The following ZBTB45 variants were observed in gnomAD, a reference collection of about 807,000 sequenced individuals.
The protein encoded by ZBTB45 is zinc finger and BTB domain containing 45, also known as zinc finger and BTB domain-containing protein 45.
In ZBTB45, 22 loss-of-function variants were observed where a neutral mutation model predicts 28.4. That is an observed-to-expected ratio of 0.77 (90% CI 0.55 to 1.10). The LOEUF (loss-of-function observed/expected upper bound fraction) is 1.10, where lower values mean the gene tolerates loss of function less well. Ranked by LOEUF, ZBTB45 falls within the 50% of genes least tolerant of loss-of-function variation. ZBTB45 has a pLI of 0.00. For missense variants in ZBTB45, 656 were observed against 750.2 expected (o/e 0.87, Z 1.47); for synonymous variants, 361 against 332.3 (o/e 1.09, Z -0.94).
chr19:58,527,619 A>C (rs569618022), intron 1 of ZBTB45, among the ~76,000 whole-genome samples: 1 of 152,266 alleles, frequency 6.6e-6, no homozygotes, highest in Admixed American at 6.5e-5. Context: ...AGGAGTGGCT[A>C]GTCTGAGAAG....
At chr19:58,520,477 T>C (rs77214166), upstream of ZBTB45, among the ~76,000 whole-genome samples, 3,612 of 151,932 alleles carry the variant, frequency 0.024, 161 homozygotes, top group African/African-American at 0.081. Context: ...CCTGTAAATA[T>C]GATTATCTCA....
At position 58,516,610 on chromosome 19, in the gene ZBTB45, G is replaced by C; in HGVS notation, c.1064C>G (p.Ala355Gly). Residue 355 changes from alanine (A) to glycine (G), a missense_variant, in exon 2 of 3, where the codon GCG (alanine) becomes GGG (glycine). This residue lies in a region of ZBTB45 where 448 missense variants were observed against 444.3 expected (regional missense o/e 1.01). Transcript: ENST00000594051. The surrounding 1 kb of genome is among the most constrained non-coding windows in gnomAD (Gnocchi z 6.2). ...TGTGGGGTAGAAGGCGGGTGGGGGCGCAGGGGCTGGCCCCGATGGTGCTGA... is the reference window on the plus strand; with the variant it reads ...TGTGGGGTAGAAGGCGGGTGGGGGCCCAGGGGCTGGCCCCGATGGTGCTGA... ...PPSAPSGPAP[A>G]PPPAFYPTLQ... 6.4e-7 allele frequency: 1 copy of C among 1,558,134 alleles called. No homozygotes were observed. Among genetic ancestry groups the C allele is most frequent in the South Asian group, 1.2e-5 (1 of 82,330 alleles).
chr19:58,513,926 G>A lies in ZBTB45; in HGVS notation c.*128C>T. On this transcript the variant is annotated 3_prime_UTR_variant, in exon 3 of 3. Coordinates refer to ENST00000594051, the MANE Select transcript of ZBTB45 (RefSeq NM_001316979.2). ...GCCCTGGTATGGAGAAAGGGTGAAG[G>A]GAGAGAGAGGACCTGCGCTCAGGAG... 3 of 1,154,040 alleles carry A rather than the reference G, an allele frequency of 2.6e-6. No homozygotes were observed. Among genetic ancestry groups the A allele is most frequent in the Non-Finnish European group, 3.4e-6 (3 of 881,790 alleles). 71.5% of individuals were successfully genotyped at this position (1,154,040 alleles called of 1,614,324 possible).
At position 58,513,700 on chromosome 19, in the gene ZBTB45, G is replaced by T. The variant is rs1034691367; in HGVS notation, c.*354C>A. The T allele has an allele frequency of 2.5e-5, 6 of 241,998 alleles. No homozygotes were observed. Among genetic ancestry groups the T allele is most frequent in the Non-Finnish European group, 3.9e-5 (5 of 126,782 alleles). 15.0% of individuals were successfully genotyped at this position (241,998 alleles called of 1,614,324 possible). On this transcript the variant is annotated 3_prime_UTR_variant, in exon 3 of 3. Coordinates refer to ENST00000594051, the MANE Select transcript of ZBTB45 (RefSeq NM_001316979.2). ...CAGCCTGACCCTGGGGCAGGCAAGC[G>T]GCCCCCCAGCCCCCACCACCACCCC...
In ZBTB45 at chr19:58,513,652, G is replaced by C; in HGVS notation, c.*402C>G. 5.3e-6 allele frequency: 1 copy of C among 189,476 alleles called. No homozygotes were observed. Among genetic ancestry groups the C allele is most frequent in the Non-Finnish European group, 1.1e-5 (1 of 93,030 alleles). The allele number at this position is 189,476 out of a possible 1,614,324, so 11.7% of individuals were successfully genotyped here. ...CGCCCCATGAGGGAGTAACAGCTTGGGTAGAGAGCTAGGGACCTTGCCCAG... is the reference window on the plus strand; with the variant it reads ...CGCCCCATGAGGGAGTAACAGCTTGCGTAGAGAGCTAGGGACCTTGCCCAG... On this transcript the variant is annotated 3_prime_UTR_variant, in exon 3 of 3. Coordinates refer to ENST00000594051, the MANE Select transcript of ZBTB45 (RefSeq NM_001316979.2).
chr19:58,522,876 G>C (rs575289699), upstream of ZBTB45, among the ~76,000 whole-genome samples: 61 of 152,172 alleles, frequency 4.0e-4, no homozygotes, highest in South Asian at 8.9e-3. Flanking sequence ...AGTGTGTTGA[G>C]GGGGGGAAGC....
rs538820950 is a variant in ZBTB45 at position 58,517,195 on chromosome 19, C to G, written c.479G>C (p.Arg160Pro). The change falls in exon 2 of 3, where the codon CGT becomes CCT. Residue 160 changes from arginine to proline, a missense_variant. Coordinates refer to ENST00000594051, the MANE Select transcript of ZBTB45 (RefSeq NM_001316979.2). ...TGCAGCACCGGGGTGCCCCGGGGGA[C>G]GTGCAGCCAGCAGGTGGCGCAGGCG... ...RHRLRHLLAARPPGHPGAAHS... is the reference protein window; with the variant it reads ...RHRLRHLLAAPPPGHPGAAHS... 1.9e-6 allele frequency: 3 copies of G among 1,604,828 alleles called. No homozygotes were observed. The highest frequency in any genetic ancestry group is 2.6e-6 in the Non-Finnish European group (3 of 1,176,162).
rs1360936137 is a variant in ZBTB45, at chr19:58,513,775, C to G, written c.*279G>C. On this transcript the variant is annotated 3_prime_UTR_variant, in exon 3 of 3. Coordinates refer to ENST00000594051, the MANE Select transcript of ZBTB45 (RefSeq NM_001316979.2). The stretch of plus-strand genomic sequence containing the variant: ...AGTCAAATCTTGGGCCGGGTCCAAG[C>G]GCCTGAGCGCCCGGTTTACGCAGGA... 1 of 368,458 alleles carries G rather than the reference C, an allele frequency of 2.7e-6. No individual in the cohort carries two copies. The highest frequency in any genetic ancestry group is 4.1e-5 in the East Asian group (1 of 24,294). The allele number at this position is 368,458 out of a possible 1,614,324, so 22.8% of individuals were successfully genotyped here.
chr19:58,524,149 C>T (rs1354492855), upstream of ZBTB45, among the ~76,000 whole-genome samples: 1 of 149,796 alleles, frequency 6.7e-6, no homozygotes, highest in East Asian at 2.0e-4. Context: ...GGCAGATCAC[C>T]TGAGATCAGG....
At chr19:58,523,533 G>A (rs948955860), upstream of ZBTB45, among the ~76,000 whole-genome samples, 5 of 151,862 alleles carry the variant, frequency 3.3e-5, no homozygotes, top group African/African-American at 7.3e-5. Flanking sequence ...GCATGGTGGC[G>A]GGCACCTGTA....
At position 58,514,145 on chromosome 19, in the gene ZBTB45, C is replaced by G; in HGVS notation, c.1445G>C (p.Arg482Pro). Residue 482 changes from arginine (R) to proline (P), a missense_variant, in exon 3 of 3, where the codon CGG becomes CCG. Physicochemically the swap from Arg to Pro is moderately radical, Grantham distance 103. Transcript: ENST00000594051. ...SSLNVHMRTH[R>P]PERAPCPACG... ...GGCGGGGCAGGGCGCGCGCTCGGGC[C>G]GGTGAGTGCGCATGTGCACGTTGAG... 1.2e-6 allele frequency: 2 copies of G among 1,606,782 alleles called. No homozygotes were observed. The highest frequency in any genetic ancestry group is 1.1e-5 in the South Asian group (1 of 90,780).
chr19:58,514,330 C>T lies in ZBTB45; in HGVS notation c.1280-20G>A, dbSNP rs954414437. On this transcript the variant is annotated intron_variant, in intron 2 of 2. Transcript: ENST00000594051. The stretch of plus-strand genomic sequence containing the variant: ...TCTCCCCTGCGGAAGACAGGGCGGG[C>T]CGCGAACGCAAGTCAGACTCTACAG... The T allele has an allele frequency of 3.2e-6, 5 of 1,582,748 alleles. No individual in the cohort carries two copies. Among genetic ancestry groups the T allele is most frequent in the Admixed American group, 1.7e-5 (1 of 58,772 alleles).
chr19:58,524,413 GTGTGTGTGTGTGTGTTCATATA>G (rs1487114879), upstream of ZBTB45, among the ~76,000 whole-genome samples: 17 of 142,676 alleles, frequency 1.2e-4, no homozygotes, highest in African/African-American at 4.6e-4. Flanking sequence ...ATATGTGTGT[GTGTGTGTGTGTGTGTTCATATA>G]TGTGTGTGTG....
chr19:58,530,908 C>A (rs138182557), intron 1 of ZBTB45, among the ~76,000 whole-genome samples: 7,689 of 152,238 alleles, frequency 0.051, 268 homozygotes, highest in Non-Finnish European at 0.075. Context: ...TGGTCTCGAT[C>A]TCCCGACCTC....
chr19:58,521,844 A>C (rs958919193), upstream of ZBTB45, among the ~76,000 whole-genome samples: 3 of 152,072 alleles, frequency 2.0e-5, no homozygotes, highest in African/African-American at 7.2e-5. Flanking sequence ...CAGAGGACAG[A>C]GGGACTCGGC....
At chr19:58,534,431 C>T (rs1243992386) in intron 1 of ZBTB45, among the ~76,000 whole-genome samples, 2 of 152,052 alleles carry the variant, frequency 1.3e-5, no homozygotes, top group African/African-American at 4.8e-5. Flanking sequence ...ATCTCTATCT[C>T]CAGGCTGGAG....
chr19:58,516,620 G>T lies in ZBTB45; in HGVS notation c.1054C>A (p.Pro352Thr). 1 of 1,560,398 alleles carries T rather than the reference G, an allele frequency of 6.4e-7. No individual in the cohort carries two copies. Among genetic ancestry groups the T allele is most frequent in the Non-Finnish European group, 8.7e-7 (1 of 1,153,832 alleles). The change falls in exon 2 of 3, where the codon CCA becomes ACA. Residue 352 changes from proline to threonine, a missense_variant. Around this residue, in one of 3 missense-constraint regions of ZBTB45, gnomAD observed 448 missense variants for 444.3 expected, o/e 1.01. Coordinates refer to ENST00000594051, the MANE Select transcript of ZBTB45 (RefSeq NM_001316979.2). This position sits in a 1 kb window ranked among gnomAD's most constrained non-coding sequence, Gnocchi z 6.2. ...AAGGCGGGTGGGGGCGCAGGGGCTG[G>T]CCCCGATGGTGCTGAAGGGGGTGGT... ...PAPPPSAPSG[P>T]APAPPPAFYP...
intron 2 of ZBTB45, 119 bp from the exon 3 acceptor site, chr19:58,514,429 CA>C: frequency 7.7e-7 from 1 of 1,298,726 alleles, no homozygotes. Flanking sequence ...CCTCCCGAAC[CA>C]CCACCCCGGG....
intron 1 of ZBTB45, among the ~76,000 whole-genome samples, chr19:58,532,011 A>C (rs1315276562): frequency 6.6e-6 from 1 of 152,000 alleles, no homozygotes; most frequent in African/African-American, 2.4e-5. Context: ...CTGGGCTCTG[A>C]GTGTCTCCTG....
Sources: gnomAD v4.1 joint callset for allele counts (sites outside exome capture counted in the v4.1 genomes callset) on GRCh38, gnomAD v4.1.1 for gene constraint, gnomAD v4.1.1 regional missense constraint, Gnocchi (gnomAD v3.1) non-coding constraint, MANE v1.5 for transcripts, NCBI Gene and HGNC (gene_info 2026-07-23, HGNC 2026-07-21) for gene names.